The following NDUFS4 variants were observed in gnomAD, a reference collection of about 807,000 sequenced individuals.
The protein encoded by NDUFS4 is NADH dehydrogenase [ubiquinone] iron-sulfur protein 4, mitochondrial.
NDUFS4 carries 28 observed loss-of-function variants against 24.3 expected under a neutral mutation model. The observed-to-expected ratio is 1.15, with a 90% CI of 0.85 to 1.58. NDUFS4 has a LOEUF of 1.58. Among genes scored for constraint, NDUFS4 ranks in the 40% most tolerant of loss-of-function variants. The pLI, the probability that NDUFS4 is intolerant of heterozygous loss-of-function variation, is 0.00. For synonymous variants in NDUFS4, 93 were observed against 69.7 expected, an observed-to-expected ratio of 1.34 and a Z score of -1.67; for missense variants, 223 against 207.9, an observed-to-expected ratio of 1.07 and a Z score of -0.45.
At chr5:53,626,228 A>G (rs906840889) in intron 2 of NDUFS4, among the ~76,000 whole-genome samples, 3 of 152,052 alleles carry the variant, frequency 2.0e-5, no homozygotes, top group African/African-American at 7.2e-5. Context: ...ATCCTTTTTT[A>G]TGGCTGTATA....
intron 3 of NDUFS4, among the ~76,000 whole-genome samples, chr5:53,648,777 C>A (rs937874783): frequency 3.9e-5 from 6 of 152,058 alleles, no homozygotes; most frequent in African/African-American, 1.4e-4. Flanking sequence ...ATTTTCTGGC[C>A]CCCCAAAAGT....
intron 1 of NDUFS4, among the ~76,000 whole-genome samples, chr5:53,562,148 C>T (rs755113429): frequency 1.3e-5 from 2 of 152,000 alleles, no homozygotes; most frequent in African/African-American, 4.8e-5. Context: ...GGATTACAGG[C>T]GCGCACCACC....
intron 2 of NDUFS4, among the ~76,000 whole-genome samples, chr5:53,614,519 A>G (rs1579875017): frequency 6.6e-6 from 1 of 151,946 alleles, no homozygotes; most frequent in Non-Finnish European, 1.5e-5. Flanking sequence ...CTTTGTTCCT[A>G]CTTGGAATAC....
chr5:53,671,500 A>ACAT (rs1411952581), intron 4 of NDUFS4, among the ~76,000 whole-genome samples: 1 of 152,196 alleles, frequency 6.6e-6, no homozygotes, highest in Non-Finnish European at 1.5e-5. Flanking sequence ...CTCATCCTAA[A>ACAT]CATCTTAAGC....
At chr5:53,577,678 G>A (rs1749429494) in intron 1 of NDUFS4, among the ~76,000 whole-genome samples, 1 of 152,064 alleles carries the variant, frequency 6.6e-6, no homozygotes. Context: ...ATTGGAATTT[G>A]TTTTACTCAC....
At chr5:53,679,300 T>C (rs973848405) in intron 4 of NDUFS4, among the ~76,000 whole-genome samples, 3 of 152,132 alleles carry the variant, frequency 2.0e-5, no homozygotes, top group African/African-American at 7.2e-5. Flanking sequence ...GGTAATTATA[T>C]AGAGATGGAT....
chr5:53,574,208 T>C (rs1041795429), intron 1 of NDUFS4, among the ~76,000 whole-genome samples: 1 of 152,246 alleles, frequency 6.6e-6, no homozygotes, highest in Non-Finnish European at 1.5e-5. Flanking sequence ...CGTATAATGT[T>C]AGCTAAAGGT....
intron 1 of NDUFS4, among the ~76,000 whole-genome samples, chr5:53,593,658 TTTC>T (rs1750044591): frequency 6.6e-6 from 1 of 151,888 alleles, no homozygotes; most frequent in Non-Finnish European, 1.5e-5. Flanking sequence ...TAGTTAGACC[TTTC>T]TTCTTTTCTA....
At chr5:53,628,666 G>C (rs1440521670) in intron 2 of NDUFS4, among the ~76,000 whole-genome samples, 5 of 152,132 alleles carry the variant, frequency 3.3e-5, no homozygotes, top group African/African-American at 1.2e-4. Context: ...TATTTGCATA[G>C]AGTTGTCTAT....
intron 1 of NDUFS4, among the ~76,000 whole-genome samples, chr5:53,573,904 T>G (rs1213123451): frequency 6.6e-6 from 1 of 152,258 alleles, no homozygotes; most frequent in African/African-American, 2.4e-5. Flanking sequence ...AATTTTATTT[T>G]GAAATTGTAT....
chr5:53,592,377 C>T (rs1287049652), intron 1 of NDUFS4, among the ~76,000 whole-genome samples: 2 of 152,130 alleles, frequency 1.3e-5, no homozygotes, highest in Non-Finnish European at 2.9e-5. Context: ...TAGTATCTTT[C>T]ACAGAGCTAA....
At chr5:53,655,906 T>C (rs1430153426) in intron 3 of NDUFS4, among the ~76,000 whole-genome samples, 1 of 152,160 alleles carries the variant, frequency 6.6e-6, no homozygotes. Flanking sequence ...CAGTCTCCCC[T>C]GTAACAGGCA....
At chr5:53,598,619 A>G (rs1473071573) in intron 1 of NDUFS4, among the ~76,000 whole-genome samples, 1 of 152,194 alleles carries the variant, frequency 6.6e-6, no homozygotes, top group Non-Finnish European at 1.5e-5. Flanking sequence ...GTTTATATAA[A>G]TAAATATACT....
intron 2 of NDUFS4, among the ~76,000 whole-genome samples, chr5:53,617,327 CCTCTGTCTTTTGACA>C: frequency 6.6e-6 from 1 of 152,208 alleles, no homozygotes; most frequent in Non-Finnish European, 1.5e-5. Context: ...TGGCTTTTCC[CCTCTGTCTTTTGACA>C]CTCTGTCTTT....
At chr5:53,582,882 G>A (rs1749618114) in intron 1 of NDUFS4, among the ~76,000 whole-genome samples, 1 of 152,102 alleles carries the variant, frequency 6.6e-6, no homozygotes, top group African/African-American at 2.4e-5. Context: ...CTAATGCACA[G>A]CAGCATCTCC....
intron 1 of NDUFS4, among the ~76,000 whole-genome samples, chr5:53,585,251 A>C (rs1561343268): frequency 6.6e-6 from 1 of 152,184 alleles, no homozygotes; most frequent in Non-Finnish European, 1.5e-5. Flanking sequence ...TTAGGCTTTT[A>C]GGTAACTATT....
At chr5:53,586,817 C>G (rs539864351) in intron 1 of NDUFS4, among the ~76,000 whole-genome samples, 1 of 151,932 alleles carries the variant, frequency 6.6e-6, no homozygotes. Flanking sequence ...GCCACCGTGC[C>G]CAGCCTGTTT....
intron 2 of NDUFS4, among the ~76,000 whole-genome samples, chr5:53,633,425 T>C (rs918538833): frequency 4.6e-5 from 7 of 152,320 alleles, no homozygotes; most frequent in Admixed American, 1.3e-4. Flanking sequence ...GCCTTACCTA[T>C]ACATTGAGGA....
At position 53,637,191 on chromosome 5, in the gene NDUFS4, G is replaced by A. The variant is rs144831113; in HGVS notation, c.178-9042G>A. Among the ~76,000 whole-genome samples, 235 of 147,222 alleles carry A rather than the reference G, an allele frequency of 1.6e-3. 1 individual carries two copies. The highest frequency in any genetic ancestry group is 5.8e-3 in the African/African-American group (225 of 38,638). On this transcript the variant is annotated intron_variant, in intron 2 of 4. Transcript: ENST00000296684. ...GACTTTGCATTCGTAGAGATGAGGTGAATTCCTGTTTGAGGTCCCCAAGTA... is the reference window on the plus strand; with the variant it reads ...GACTTTGCATTCGTAGAGATGAGGTAAATTCCTGTTTGAGGTCCCCAAGTA...
Sources: gnomAD v4.1 joint callset for allele counts (sites outside exome capture counted in the v4.1 genomes callset) on GRCh38, gnomAD v4.1.1 for gene constraint, MANE v1.5 for transcripts, NCBI Gene and HGNC (gene_info 2026-07-23, HGNC 2026-07-21) for gene names.